The following NFIA variants were observed in gnomAD, a reference collection of about 807,000 sequenced individuals.
NFIA encodes the protein nuclear factor I A.
NFIA carries 8 observed loss-of-function variants against 62.8 expected under a neutral mutation model. The ratio of observed to expected loss-of-function variants is 0.13; its 90% confidence interval spans 0.07 to 0.23. NFIA has a LOEUF of 0.23. NFIA is among the 10% of genes least tolerant of loss of function. NFIA has a pLI of 1.00. For missense variants in NFIA, 410 were observed against 642.1 expected (o/e 0.64, Z 3.91); for synonymous variants, 235 against 238.1 (o/e 0.99, Z 0.12).
chr1:61,302,794 T>C (rs1248174131), intron 3 of NFIA, among the ~76,000 whole-genome samples: 1 of 152,224 alleles, frequency 6.6e-6, no homozygotes, highest in Non-Finnish European at 1.5e-5. Flanking sequence ...CTATTCAATA[T>C]GTATTTTGTT....
At chr1:61,287,125 T>C (rs1658552944) in intron 3 of NFIA, among the ~76,000 whole-genome samples, 1 of 151,996 alleles carries the variant, frequency 6.6e-6, no homozygotes, top group Admixed American at 6.6e-5. Context: ...CATTTCTTGG[T>C]ACAGTAGATA....
At chr1:61,234,813 G>C (rs1654893086) in intron 2 of NFIA, among the ~76,000 whole-genome samples, 1 of 152,162 alleles carries the variant, frequency 6.6e-6, no homozygotes, top group Non-Finnish European at 1.5e-5. Context: ...TGCACTTCCT[G>C]AATAGGCTTT....
At chr1:61,213,449 A>G (rs1653393569) in intron 2 of NFIA, among the ~76,000 whole-genome samples, 1 of 152,226 alleles carries the variant, frequency 6.6e-6, no homozygotes, top group Non-Finnish European at 1.5e-5. Flanking sequence ...AACCCTGTTC[A>G]TGATGGGCCT....
intron 2 of NFIA, among the ~76,000 whole-genome samples, chr1:61,245,043 A>C (rs1557658692): frequency 6.6e-6 from 1 of 152,190 alleles, no homozygotes. Context: ...GTCCAACTCA[A>C]ACATGTATTA....
intron 10 of NFIA, among the ~76,000 whole-genome samples, chr1:61,444,704 TG>T (rs1667731159): frequency 6.6e-6 from 1 of 152,318 alleles, no homozygotes; most frequent in African/African-American, 2.4e-5. Flanking sequence ...TAGCACAAAT[TG>T]GCATGTCTGC....
chr1:61,111,661 A>G (rs1426680887), intron 2 of NFIA, among the ~76,000 whole-genome samples: 2 of 151,020 alleles, frequency 1.3e-5, no homozygotes, highest in African/African-American at 2.4e-5. Context: ...TTCTTTGTCA[A>G]CCCACATTCA....
intron 2 of NFIA, among the ~76,000 whole-genome samples, chr1:61,167,100 C>T (rs2100544196): frequency 6.6e-6 from 1 of 152,328 alleles, no homozygotes; most frequent in East Asian, 1.9e-4. Flanking sequence ...GAGATCATGC[C>T]ACTGCACTCC....
intron 7 of NFIA, 37 bp downstream of exon 7, chr1:61,383,402 A>G: frequency 6.2e-6 from 10 of 1,610,686 alleles, no homozygotes; most frequent in African/African-American, 1.3e-5. Flanking sequence ...TTGTGCTTAT[A>G]TCATGGCCTT....
At chr1:61,359,400 CTT>C (rs1663161892) in intron 6 of NFIA, 126 bp downstream of exon 6, 6 of 1,363,194 alleles carry the variant, frequency 4.4e-6, no homozygotes, top group Admixed American at 2.2e-5. Context: ...AGGATGAGCA[CTT>C]GTTTGTATTG....
chr1:61,334,143 G>A (rs1661456516), intron 4 of NFIA, among the ~76,000 whole-genome samples: 1 of 152,212 alleles, frequency 6.6e-6, no homozygotes, highest in Non-Finnish European at 1.5e-5. Context: ...CAGTGGGAAG[G>A]TAACTGTCGG....
chr1:61,187,665 G>A (rs1032657123), intron 2 of NFIA, among the ~76,000 whole-genome samples: 1 of 152,230 alleles, frequency 6.6e-6, no homozygotes, highest in Admixed American at 6.5e-5. Flanking sequence ...CAGGAGTAGA[G>A]AAGTATTGAT....
At position 61,392,074 on chromosome 1, in the gene NFIA, A is replaced by G. The variant is rs138726369; in HGVS notation, c.1075+8709A>G. On this transcript the variant is annotated intron_variant, in intron 7 of 10. Transcript: ENST00000403491. ...TGCAGGCCTCATAGACCTAACAAGT[A>G]CCACCTTTAAGGAGCATGGAACAGA... is the stretch of plus-strand genomic sequence containing the variant. Among the ~76,000 whole-genome samples the G allele has an allele frequency of 2.0e-5, 3 of 152,320 alleles. No homozygotes were observed. In the East Asian group the frequency reaches 5.8e-4, roughly 29 times the overall value.
intron 9 of NFIA, among the ~76,000 whole-genome samples, chr1:61,424,721 C>G (rs958194743): frequency 6.6e-6 from 1 of 152,156 alleles, no homozygotes; most frequent in African/African-American, 2.4e-5. Context: ...AACACACTAT[C>G]AGATAATTAT....
intron 3 of NFIA, among the ~76,000 whole-genome samples, chr1:61,306,294 T>TTTTTA (rs748026405): frequency 0.057 from 6,174 of 108,278 alleles, 269 homozygotes; most frequent in African/African-American, 0.077. Context: ...TTTTTTTTTT[T>TTTTTA]AAGACAGAGT....
intron 2 of NFIA, among the ~76,000 whole-genome samples, chr1:61,163,569 A>G (rs558441133): frequency 6.6e-6 from 1 of 152,266 alleles, no homozygotes; most frequent in Non-Finnish European, 1.5e-5. Flanking sequence ...AGACCTAACT[A>G]GTATTGCATC....
chr1:61,248,308 C>A (rs1426682065), intron 2 of NFIA, among the ~76,000 whole-genome samples: 1 of 152,138 alleles, frequency 6.6e-6, no homozygotes, highest in African/African-American at 2.4e-5. Flanking sequence ...AGCCTTTTAA[C>A]TAAAAGGCTT....
intron 2 of NFIA, among the ~76,000 whole-genome samples, chr1:61,193,290 C>A (rs1651769066): frequency 6.6e-6 from 1 of 152,206 alleles, no homozygotes; most frequent in Non-Finnish European, 1.5e-5. Flanking sequence ...AGAAGAAGCT[C>A]TGCTATGACT....
At chr1:61,273,147 A>G (rs2100267312) in intron 2 of NFIA, among the ~76,000 whole-genome samples, 1 of 152,302 alleles carries the variant, frequency 6.6e-6, no homozygotes, top group South Asian at 2.1e-4. Context: ...TCCTTTATCA[A>G]GAAATTCACA....
At chr1:61,128,151 A>G (rs1050628825) in intron 2 of NFIA, among the ~76,000 whole-genome samples, 6 of 152,008 alleles carry the variant, frequency 3.9e-5, no homozygotes, top group Non-Finnish European at 7.4e-5. Flanking sequence ...GAGTCCCCCT[A>G]TGTTGCCCAC....
Sources: allele counts gnomAD v4.1 joint callset (sites outside exome capture counted in the v4.1 genomes callset), GRCh38; gene constraint gnomAD v4.1.1; transcripts MANE v1.5; gene names NCBI Gene and HGNC (gene_info 2026-07-23, HGNC 2026-07-21).